The following SOX6 variants were observed in gnomAD, a reference collection of about 807,000 sequenced individuals.
The protein encoded by SOX6 is transcription factor SOX-6.
A neutral mutation model predicts 97.8 loss-of-function variants in SOX6; 11 were observed. That is an observed-to-expected ratio of 0.11 (90% CI 0.07 to 0.19). The LOEUF is 0.19. Ranked by LOEUF, SOX6 falls within the 10% of genes least tolerant of loss-of-function variation. SOX6 has a pLI of 1.00. For synonymous variants in SOX6, 360 were observed against 371.4 expected (o/e 0.97, Z 0.35); for missense variants, 810 against 1,039.5 (o/e 0.78, Z 3.04).
chr11:16,134,963 G>A (rs1849923915), intron 6 of SOX6, among the ~76,000 whole-genome samples: 1 of 152,146 alleles, frequency 6.6e-6, no homozygotes, highest in Non-Finnish European at 1.5e-5. Context: ...CTCTTGGGAG[G>A]GGCTAATGCA....
chr11:16,016,661 A>G (rs1027312627), intron 12 of SOX6, among the ~76,000 whole-genome samples: 2 of 152,082 alleles, frequency 1.3e-5, no homozygotes, highest in African/African-American at 2.4e-5. Flanking sequence ...TAATCAGCCA[A>G]TTTCTATTTT....
intron 12 of SOX6, among the ~76,000 whole-genome samples, chr11:16,045,354 C>T (rs976333346): frequency 6.6e-6 from 1 of 152,134 alleles, no homozygotes; most frequent in Non-Finnish European, 1.5e-5. Context: ...TAGTACCCTT[C>T]TATCAGATAA....
chr11:16,730,736 A>T (rs766114475), intron 2 of SOX6, among the ~76,000 whole-genome samples: 42 of 152,316 alleles, frequency 2.8e-4, no homozygotes, highest in Non-Finnish European at 2.1e-4. Flanking sequence ...GACAAGAAAT[A>T]ACTAAGATGA....
At chr11:16,585,526 A>G (rs1848081508) in intron 4 of SOX6, among the ~76,000 whole-genome samples, 1 of 152,162 alleles carries the variant, frequency 6.6e-6, no homozygotes, top group Admixed American at 6.5e-5. Context: ...CTAACTCTCG[A>G]GCACTGTACA....
chr11:16,025,341 C>A (rs1855185833), intron 12 of SOX6, among the ~76,000 whole-genome samples: 1 of 152,128 alleles, frequency 6.6e-6, no homozygotes, highest in South Asian at 2.1e-4. Flanking sequence ...CACAAAAAGT[C>A]CCACTGTAAA....
intron 1 of SOX6, among the ~76,000 whole-genome samples, chr11:16,393,096 T>C (rs1858234292): frequency 1.3e-5 from 2 of 152,112 alleles, no homozygotes; most frequent in African/African-American, 2.4e-5. Context: ...TCTGGTTCCC[T>C]GAGACTTTCA....
chr11:16,155,828 T>C (rs2134062756), intron 6 of SOX6, among the ~76,000 whole-genome samples: 1 of 152,184 alleles, frequency 6.6e-6, no homozygotes, highest in African/African-American at 2.4e-5. Flanking sequence ...AACTCTACCA[T>C]AGGACATCTT....
chr11:16,031,102 G>A (rs1855360554), intron 12 of SOX6, among the ~76,000 whole-genome samples: 1 of 152,108 alleles, frequency 6.6e-6, no homozygotes. Context: ...AACATACTGA[G>A]ACTCAGTAAG....
At chr11:16,362,388 C>T (rs1290075424) in intron 1 of SOX6, among the ~76,000 whole-genome samples, 2 of 152,106 alleles carry the variant, frequency 1.3e-5, no homozygotes, top group East Asian at 3.9e-4. Context: ...CTTCACTCCT[C>T]CACTCTCTGA....
At chr11:16,152,980 C>T (rs754261179) in intron 6 of SOX6, among the ~76,000 whole-genome samples, 1 of 152,134 alleles carries the variant, frequency 6.6e-6, no homozygotes, top group Non-Finnish European at 1.5e-5. Context: ...GATTCTCCTG[C>T]CTCAGCCTCC....
chr11:16,308,818 G>A (rs1157002635), intron 3 of SOX6, among the ~76,000 whole-genome samples: 2 of 152,142 alleles, frequency 1.3e-5, no homozygotes, highest in African/African-American at 2.4e-5. Flanking sequence ...GTAGAAGAAC[G>A]ACGATATTCT....
At chr11:16,120,749 A>G (rs1849470162) in intron 6 of SOX6, among the ~76,000 whole-genome samples, 2 of 152,270 alleles carry the variant, frequency 1.3e-5, no homozygotes, top group Non-Finnish European at 2.9e-5. Flanking sequence ...TCTTGTCACT[A>G]GTTTTACTAT....
At chr11:16,440,518 C>T (rs1294354445) in intron 1 of SOX6, among the ~76,000 whole-genome samples, 1 of 152,150 alleles carries the variant, frequency 6.6e-6, no homozygotes, top group East Asian at 1.9e-4. Context: ...ATCAGCCAGA[C>T]ACTGTGTATC....
At chr11:16,199,844 C>A (rs1163546296) in intron 4 of SOX6, among the ~76,000 whole-genome samples, 1 of 152,032 alleles carries the variant, frequency 6.6e-6, no homozygotes, top group African/African-American at 2.4e-5. Context: ...GTTCTAGTAA[C>A]ATAAACTATA....
chr11:16,270,933 G>A (rs1454129089), intron 3 of SOX6, among the ~76,000 whole-genome samples: 1 of 151,174 alleles, frequency 6.6e-6, no homozygotes, highest in African/African-American at 2.4e-5. Context: ...AAAGAGTTTT[G>A]GGAATAGTGG....
intron 4 of SOX6, among the ~76,000 whole-genome samples, chr11:16,221,199 A>G (rs568335373): frequency 2.0e-5 from 3 of 152,202 alleles, no homozygotes; most frequent in Non-Finnish European, 2.9e-5. Context: ...ATTTGCATTG[A>G]TTATGCAAAT....
At chr11:16,695,631 A>T (rs76143565) in intron 3 of SOX6, among the ~76,000 whole-genome samples, 1,693 of 152,304 alleles carry the variant, frequency 0.011, 23 homozygotes, top group African/African-American at 0.039. Flanking sequence ...TACTGTTCTA[A>T]GAACACATGT....
At chr11:16,381,204 A>C (rs1026098507) in intron 1 of SOX6, among the ~76,000 whole-genome samples, 1 of 151,972 alleles carries the variant, frequency 6.6e-6, no homozygotes, top group African/African-American at 2.4e-5. Context: ...GAAGAGAGAA[A>C]AGAGCTGACA....
intron 3 of SOX6, among the ~76,000 whole-genome samples, chr11:16,242,131 T>C (rs1853212272): frequency 6.6e-6 from 1 of 152,072 alleles, no homozygotes; most frequent in South Asian, 2.1e-4. Context: ...CATTGAAATA[T>C]TTATTATGTA....
Sources: gnomAD v4.1 joint callset for allele counts (sites outside exome capture counted in the v4.1 genomes callset) on GRCh38, gnomAD v4.1.1 for gene constraint, MANE v1.5 for transcripts, NCBI Gene and HGNC (gene_info 2026-07-23, HGNC 2026-07-21) for gene names.